XPO1: variants seen among roughly 807,000 people sequenced by gnomAD.
XPO1 encodes the protein exportin-1.
XPO1 carries 5 observed loss-of-function variants against 133.3 expected under a neutral mutation model. The ratio of observed to expected loss-of-function variants is 0.04; its 90% confidence interval spans 0.02 to 0.08. The LOEUF is 0.08. Among genes scored for constraint, XPO1 ranks in the 10% least tolerant of loss-of-function variants. XPO1 has a pLI of 1.00. For missense variants in XPO1, 506 were observed against 1,267.5 expected, an observed-to-expected ratio of 0.40 and a Z score of 9.12; for synonymous variants, 419 against 408.2, an observed-to-expected ratio of 1.03 and a Z score of -0.32.
At chr2:61,482,692 G>A in intron 22 of XPO1, 153 bp from the exon 23 acceptor site, 1 of 810,354 alleles carries the variant, frequency 1.2e-6, no homozygotes, top group Non-Finnish European at 1.8e-6. Flanking sequence ...TGCAACCTCT[G>A]CCTCCTCGGT....
intron 6 of XPO1, among the ~76,000 whole-genome samples, chr2:61,500,192 A>C (rs924086639): frequency 1.3e-5 from 2 of 152,106 alleles, no homozygotes; most frequent in African/African-American, 4.8e-5. Flanking sequence ...TGTAGAAATT[A>C]TTCTAGGAGG....
At chr2:61,519,949 T>C (rs1456523221) in intron 4 of XPO1, among the ~76,000 whole-genome samples, 3 of 152,200 alleles carry the variant, frequency 2.0e-5, no homozygotes, top group Non-Finnish European at 2.9e-5. Flanking sequence ...GAAGCACTCA[T>C]TATATACACC....
chr2:61,483,274 GCTTA>G (rs759966401), intron 21 of XPO1, 183 bp from the exon 22 acceptor site: 13 of 555,960 alleles, frequency 2.3e-5, no homozygotes, highest in Non-Finnish European at 3.3e-5. Flanking sequence ...TCCAATGCTG[GCTTA>G]CTTATAAATT....
chr2:61,512,389 A>G (rs1698138590), intron 4 of XPO1, among the ~76,000 whole-genome samples: 1 of 152,234 alleles, frequency 6.6e-6, no homozygotes, highest in Admixed American at 6.5e-5. Flanking sequence ...ATAGTCAACG[A>G]ACTATGAAAA....
At chr2:61,486,526 G>C (rs138941389) in intron 19 of XPO1, among the ~76,000 whole-genome samples, 1,646 of 152,140 alleles carry the variant, frequency 0.011, 33 homozygotes, top group African/African-American at 0.037. Flanking sequence ...GTGCCATCTT[G>C]GCTCACTGCA....
intron 4 of XPO1, among the ~76,000 whole-genome samples, chr2:61,504,831 T>A (rs1697715873): frequency 1.3e-5 from 2 of 151,984 alleles, no homozygotes; most frequent in South Asian, 4.1e-4. Flanking sequence ...TCCCACAATA[T>A]CCCAAATAAA....
At chr2:61,508,830 T>C (rs1244662468) in intron 4 of XPO1, among the ~76,000 whole-genome samples, 1 of 152,182 alleles carries the variant, frequency 6.6e-6, no homozygotes, top group Non-Finnish European at 1.5e-5. Flanking sequence ...CAGTAAACAT[T>C]TTCAACCAAA....
intron 17 of XPO1, among the ~76,000 whole-genome samples, chr2:61,489,805 C>T (rs947715145): frequency 5.9e-5 from 9 of 152,070 alleles, no homozygotes; most frequent in Non-Finnish European, 1.2e-4. Context: ...CCGCCTGCCT[C>T]GGCCTCCCAA....
At chr2:61,532,375 C>T (rs1244331164) in intron 2 of XPO1, among the ~76,000 whole-genome samples, 39 of 151,950 alleles carry the variant, frequency 2.6e-4, no homozygotes, top group Admixed American at 2.6e-3. Flanking sequence ...CATCCGCCGG[C>T]GTCGGCCTCT....
Position 61,482,976 on chromosome 2 carries a change from T to C in XPO1, c.2793A>G (p.Thr931=), listed in dbSNP as rs369857482. 1 of 1,613,500 alleles carries C rather than the reference T, an allele frequency of 6.2e-7. No individual in the cohort carries two copies. The highest frequency in any genetic ancestry group is 8.5e-7 in the Non-Finnish European group (1 of 1,179,912). ...TCTTACCAGCAGTATGTGAAGTGTC[T>C]GTCACAACAGAAAAGATATGCTGGA... ...DILQHIFSVV[T]DTSHTAGLTM... The change falls in exon 22 of 25, where the codon ACA becomes ACG. Residue 931 remains threonine (T), a synonymous_variant. Coordinates refer to ENST00000401558, the MANE Select transcript of XPO1 (RefSeq NM_003400.4).
intron 6 of XPO1, among the ~76,000 whole-genome samples, chr2:61,500,374 T>A (rs1381373085): frequency 1.3e-5 from 2 of 149,906 alleles, no homozygotes; most frequent in Non-Finnish European, 3.0e-5. Flanking sequence ...AGGTCAGGAG[T>A]TCAAGACCAG....
intron 21 of XPO1, 199 bp downstream of exon 21, chr2:61,483,738 A>G (rs1198186858): frequency 7.1e-6 from 4 of 561,894 alleles, no homozygotes; most frequent in Non-Finnish European, 6.1e-6. Context: ...CGCTCTCCCC[A>G]TAACTCAATT....
At chr2:61,496,263 G>C (rs567937982) in intron 10 of XPO1, among the ~76,000 whole-genome samples, 15 of 152,296 alleles carry the variant, frequency 9.8e-5, no homozygotes, top group African/African-American at 3.6e-4. Flanking sequence ...CCAGGCTGGA[G>C]TGCAATAGTG....
chr2:61,491,495 C>CACACACACACACA (rs1397873430), intron 16 of XPO1, among the ~76,000 whole-genome samples: 1 of 137,516 alleles, frequency 7.3e-6, no homozygotes, highest in Non-Finnish European at 1.6e-5. Flanking sequence ...CACACACACA[C>CACACACACACACA]ACCCCAAAAC....
chr2:61,533,049 T>G (rs1699227556), intron 2 of XPO1, among the ~76,000 whole-genome samples: 1 of 151,796 alleles, frequency 6.6e-6, no homozygotes, highest in South Asian at 2.1e-4. Context: ...CATGGTGGCG[T>G]GTGCCTGTAA....
rs145155544 is a variant in XPO1, at chr2:61,514,818, TA to T, written c.301+7792del. Among the ~76,000 whole-genome samples the T allele has an allele frequency of 9.0e-3, 1,366 of 152,144 alleles. 19 individuals carry two copies. The highest frequency in any genetic ancestry group is 0.031 in the African/African-American group (1,280 of 41,532). ...GGCTGGGCGCAGTGGCTTATGAGTA[TA>T]ATCTCAGCACTGTGAGAGGCCGAAG... On this transcript the variant is annotated intron_variant, in intron 4 of 24. Transcript: ENST00000401558.
At position 61,492,146 on chromosome 2, in the gene XPO1, G is replaced by T; in HGVS notation, c.1776C>A (p.Ala592=). The change falls in exon 16 of 25, where the codon GCC becomes GCA. Residue 592 remains alanine (A), a synonymous_variant. Coordinates refer to ENST00000401558, the MANE Select transcript of XPO1 (RefSeq NM_003400.4). This position sits in a 1 kb window ranked among gnomAD's most constrained non-coding sequence, Gnocchi z 5.6. ...GAACGAAATGCCTGCGGCATTTTTG[G>T]GCTATTTTAATGAAAGTATCACAAG... The part of the protein sequence containing the change: ...DMACDTFIKI[A]QKCRRHFVQV... 6.2e-7 allele frequency: 1 copy of T among 1,614,036 alleles called. No homozygotes were observed. The highest frequency in any genetic ancestry group is 8.5e-7 in the Non-Finnish European group (1 of 1,180,018).
chr2:61,495,017 T>G (rs1369393827), intron 11 of XPO1, among the ~76,000 whole-genome samples: 1 of 151,882 alleles, frequency 6.6e-6, no homozygotes, highest in Non-Finnish European at 1.5e-5. Flanking sequence ...AATTTTTTTG[T>G]ATTTTTAATA....
In XPO1 at chr2:61,492,559, T is replaced by C; in HGVS notation, c.1566+8A>G. 1.2e-6 allele frequency: 2 copies of C among 1,608,390 alleles called. No homozygotes were observed. The highest frequency in any genetic ancestry group is 1.7e-6 in the Non-Finnish European group (2 of 1,178,200). On this transcript the variant is annotated splice_region_variant and intron_variant, in intron 14 of 24. Transcript: ENST00000401558. The surrounding 1 kb of genome is among the most constrained non-coding windows in gnomAD (Gnocchi z 5.6). Reference sequence around the variant, plus strand: ...AGCAATTCTAATTCATACCTATCCCTTGCATACCTTTATAACAGTAACAAG... The same window carrying C: ...AGCAATTCTAATTCATACCTATCCCCTGCATACCTTTATAACAGTAACAAG...
Sources: allele counts gnomAD v4.1 joint callset (sites outside exome capture counted in the v4.1 genomes callset), GRCh38; gene constraint gnomAD v4.1.1; non-coding constraint Gnocchi (gnomAD v3.1); transcripts MANE v1.5; gene names NCBI Gene and HGNC (gene_info 2026-07-23, HGNC 2026-07-21).